SLC39A10: variants seen among roughly 807,000 people sequenced by gnomAD.
SLC39A10 encodes zinc transporter ZIP10.
SLC39A10 carries 13 observed loss-of-function variants against 65.1 expected under a neutral mutation model. The observed-to-expected ratio is 0.20, with a 90% confidence interval of 0.13 to 0.32. SLC39A10 has a LOEUF of 0.32. Ranked by LOEUF, SLC39A10 falls within the 10% of genes least tolerant of loss-of-function variation. SLC39A10 has a pLI of 1.00. For missense variants in SLC39A10, 831 were observed against 1,018.4 expected (o/e 0.82, Z 2.50); for synonymous variants, 321 against 342.2 (o/e 0.94, Z 0.68).
At chr2:195,684,620 T>A (rs1690454539) in intron 3 of SLC39A10, among the ~76,000 whole-genome samples, 1 of 152,094 alleles carries the variant, frequency 6.6e-6, no homozygotes, top group Non-Finnish European at 1.5e-5. Context: ...TTTTCTCTTT[T>A]TTTTCTTTTC....
chr2:195,730,120 A>G (rs1293414261), intron 9 of SLC39A10, among the ~76,000 whole-genome samples: 1 of 151,254 alleles, frequency 6.6e-6, no homozygotes, highest in East Asian at 1.9e-4. Context: ...TTTATTTTTA[A>G]ATTTTCCTCT....
At chr2:195,657,807 T>G (rs1052538966) in intron 1 of SLC39A10, among the ~76,000 whole-genome samples, 2 of 152,140 alleles carry the variant, frequency 1.3e-5, no homozygotes, top group African/African-American at 4.8e-5. Context: ...CTCTCTGGTC[T>G]GTAATGGGGC....
chr2:195,660,087 C>G (rs537558284), intron 1 of SLC39A10, among the ~76,000 whole-genome samples: 7 of 152,206 alleles, frequency 4.6e-5, no homozygotes, highest in African/African-American at 1.7e-4. Context: ...TTGTCACATA[C>G]TGCTTATGAC....
chr2:195,720,692 A>C (rs967110198), intron 8 of SLC39A10, among the ~76,000 whole-genome samples: 1 of 152,182 alleles, frequency 6.6e-6, no homozygotes, highest in Non-Finnish European at 1.5e-5. Flanking sequence ...TTGATTCTGT[A>C]TGGTTTCATT....
At position 195,657,719 on chromosome 2, in the gene SLC39A10, G is replaced by A. The variant is rs529828015; in HGVS notation, c.-12+438G>A. The A allele has an allele frequency of 3.9e-4, 327 of 835,010 alleles. No homozygotes were observed. The African/African-American group carries it at 4.9e-3, about 13-fold the overall frequency. The allele number at this position is 835,010 out of a possible 1,614,324, so 51.7% of individuals were successfully genotyped here. ...GCGGATGGCGTCGCAGGCGCGGGCGGGCGAGGCTTTGGGGATCTGTAGGCA... is the reference window on the plus strand; with the variant it reads ...GCGGATGGCGTCGCAGGCGCGGGCGAGCGAGGCTTTGGGGATCTGTAGGCA... On this transcript the variant is annotated intron_variant, in intron 1 of 9. Transcript: ENST00000359634.
intron 3 of SLC39A10, among the ~76,000 whole-genome samples, chr2:195,692,605 T>C (rs1272801168): frequency 6.6e-6 from 1 of 152,168 alleles, no homozygotes; most frequent in Non-Finnish European, 1.5e-5. Flanking sequence ...TTGTAGCTAT[T>C]GTAAAGGGCG....
chr2:195,683,278 C>T (rs191783312), intron 2 of SLC39A10, among the ~76,000 whole-genome samples: 15 of 151,998 alleles, frequency 9.9e-5, no homozygotes, highest in Non-Finnish European at 1.0e-4. Flanking sequence ...TTTTAGAGTG[C>T]ATTTGGCAAT....
Position 195,735,769 on chromosome 2 carries a change from T to G in SLC39A10, c.*728T>G, listed in dbSNP as rs542960187. The G allele has an allele frequency of 6.6e-6, 1 of 152,444 alleles. No individual in the cohort carries two copies. The highest frequency in any genetic ancestry group is 2.4e-5 in the African/African-American group (1 of 41,482). 9.4% of individuals were successfully genotyped at this position (152,444 alleles called of 1,614,324 possible). A position where few individuals can be genotyped will look rare whatever the true frequency, so the allele number is the denominator to read the frequency against. On this transcript the variant is annotated 3_prime_UTR_variant, in exon 10 of 10. Coordinates refer to ENST00000359634, the MANE Select transcript of SLC39A10 (RefSeq NM_020342.3). ...ATTATAATACTTGGTGTTGGGGTGT[T>G]CTTTCTGTTTTGTTTTTTACTTTAA...
intron 5 of SLC39A10, among the ~76,000 whole-genome samples, chr2:195,712,711 A>T (rs1691644098): frequency 6.6e-6 from 1 of 152,248 alleles, no homozygotes; most frequent in Non-Finnish European, 1.5e-5. Context: ...CTGTGAAGAC[A>T]TACAGTAAGA....
intron 5 of SLC39A10, 36 bp downstream of exon 5, chr2:195,708,880 A>C (rs917040227): frequency 1.4e-6 from 2 of 1,457,178 alleles, no homozygotes; most frequent in Non-Finnish European, 1.9e-6. Flanking sequence ...TTATACCATA[A>C]AACTCAAAAC....
intron 2 of SLC39A10, among the ~76,000 whole-genome samples, chr2:195,651,620 G>A (rs556484883): frequency 3.3e-5 from 5 of 152,180 alleles, no homozygotes; most frequent in African/African-American, 4.8e-5. Context: ...GATTGCAGGC[G>A]CTTGCCATCA....
chr2:195,623,867 A>C (rs1425255706), intron 2 of SLC39A10, among the ~76,000 whole-genome samples: 1 of 151,160 alleles, frequency 6.6e-6, no homozygotes. Flanking sequence ...TCATTTATTA[A>C]AAAAAATAAC....
chr2:195,674,404 A>G (rs1299756331), intron 1 of SLC39A10, among the ~76,000 whole-genome samples: 1 of 151,890 alleles, frequency 6.6e-6, no homozygotes, highest in Admixed American at 6.6e-5. Context: ...CACCTTCCCG[A>G]GTAGCTGAGA....
At position 195,731,469 on chromosome 2, in the gene SLC39A10, T is replaced by C. The variant is rs544141593; in HGVS notation, c.2337+3120T>C. On this transcript the variant is annotated intron_variant, in intron 9 of 9. Transcript: ENST00000359634. ...CCATTTTACTTATTTATCGTGTTCA[T>C]TGTCTTCCCCACTAAGATGTCAGCT... Among the ~76,000 whole-genome samples the C allele has an allele frequency of 2.0e-5, 3 of 152,344 alleles. No homozygotes were observed. In the East Asian group the frequency reaches 5.8e-4, roughly 29 times the overall value.
At chr2:195,674,827 C>T (rs1690020375) in intron 1 of SLC39A10, among the ~76,000 whole-genome samples, 1 of 151,434 alleles carries the variant, frequency 6.6e-6, no homozygotes, top group Admixed American at 6.6e-5. Context: ...TGTTGATATA[C>T]TGAATACTGT....
At chr2:195,700,794 T>C (rs1341830152) in intron 3 of SLC39A10, among the ~76,000 whole-genome samples, 1 of 152,178 alleles carries the variant, frequency 6.6e-6, no homozygotes, top group African/African-American at 2.4e-5. Context: ...TGTAATCTTA[T>C]TGAGAGCTTC....
At chr2:195,674,403 G>C (rs1021767998) in intron 1 of SLC39A10, among the ~76,000 whole-genome samples, 3 of 151,924 alleles carry the variant, frequency 2.0e-5, no homozygotes, top group African/African-American at 7.3e-5. Context: ...TCACCTTCCC[G>C]AGTAGCTGAG....
intron 1 of SLC39A10, among the ~76,000 whole-genome samples, chr2:195,660,705 A>G (rs1261088716): frequency 6.6e-6 from 1 of 152,202 alleles, no homozygotes; most frequent in Admixed American, 6.5e-5. Context: ...ACAATCACCA[A>G]GTTACCTTGC....
chr2:195,661,361 G>A (rs1574234645), intron 1 of SLC39A10, among the ~76,000 whole-genome samples: 1 of 152,018 alleles, frequency 6.6e-6, no homozygotes, highest in Admixed American at 6.6e-5. Context: ...AAGTATAGTA[G>A]GTATGAAGAA....
Sources: gnomAD v4.1 joint callset for allele counts (sites outside exome capture counted in the v4.1 genomes callset) on GRCh38, gnomAD v4.1.1 for gene constraint, MANE v1.5 for transcripts, NCBI Gene and HGNC (gene_info 2026-07-23, HGNC 2026-07-21) for gene names.